SHANK2: variants seen among roughly 807,000 people sequenced by gnomAD.
SHANK2 encodes SH3 and multiple ankyrin repeat domains 2, also known as SH3 and multiple ankyrin repeat domains protein 2.
A neutral mutation model predicts 133.7 loss-of-function variants in SHANK2; 43 were observed. The ratio of observed to expected loss-of-function variants is 0.32; its 90% CI spans 0.25 to 0.41. SHANK2 has a LOEUF of 0.41. SHANK2 is among the 10% of genes least tolerant of loss of function. The pLI is 1.00. For synonymous variants in SHANK2, 1,017 were observed against 952.8 expected, an observed-to-expected ratio of 1.07 and a Z score of -1.24; for missense variants, 1,994 against 2,235.8, an observed-to-expected ratio of 0.89 and a Z score of 2.18.
At chr11:70,886,495 G>A (rs1450573743) in intron 11 of SHANK2, among the ~76,000 whole-genome samples, 4 of 152,200 alleles carry the variant, frequency 2.6e-5, no homozygotes, top group African/African-American at 9.7e-5. Context: ...CAAACACAAA[G>A]GCTATTGTGA....
At chr11:70,937,306 C>T (rs1234155905) in intron 10 of SHANK2, among the ~76,000 whole-genome samples, 1 of 152,194 alleles carries the variant, frequency 6.6e-6, no homozygotes, top group Non-Finnish European at 1.5e-5. Flanking sequence ...TTGAAACTCC[C>T]CAAGTCATGT....
At position 70,664,826 on chromosome 11, in the gene SHANK2, G is replaced by A. The variant is rs557222109; in HGVS notation, c.1854-3148C>T. On this transcript the variant is annotated intron_variant, in intron 15 of 25. Coordinates refer to ENST00000601538, the MANE Select transcript of SHANK2 (RefSeq NM_012309.5). ...GGAGGCACAGGCTTTGGCATCACAC[G>A]GAGCGTGGTTCAAATCCCAGCTTTG... Among the ~76,000 whole-genome samples, 149 of 152,310 alleles carry A rather than the reference G, an allele frequency of 9.8e-4. 1 individual carries two copies. Among genetic ancestry groups the A allele is most frequent in the Non-Finnish European group, 4.0e-4 (27 of 68,014 alleles).
At chr11:71,238,606 G>A (rs569694810) in intron 1 of SHANK2, among the ~76,000 whole-genome samples, 1 of 152,178 alleles carries the variant, frequency 6.6e-6, no homozygotes, top group Admixed American at 6.5e-5. Flanking sequence ...AGAGGCCAGA[G>A]GCCCCTCCTG....
Position 70,684,918 on chromosome 11 carries a change from T to C in SHANK2, c.1853+13770A>G, listed in dbSNP as rs188410777. The stretch of plus-strand genomic sequence containing the variant: ...ATCCCTCTTGGCTCAAATGCAAAGG[T>C]GAGGATAATTTGGGAAAAGAGGCAG... On this transcript the variant is annotated intron_variant, in intron 15 of 25. Transcript: ENST00000601538. Among the ~76,000 whole-genome samples the C allele has an allele frequency of 2.0e-4, 30 of 151,880 alleles. No individual in the cohort carries two copies. In the South Asian group the frequency reaches 2.9e-3, roughly 15 times the overall value.
chr11:71,241,117 C>T (rs1307696415), intron 1 of SHANK2, among the ~76,000 whole-genome samples: 3 of 152,248 alleles, frequency 2.0e-5, no homozygotes, highest in African/African-American at 2.4e-5. Flanking sequence ...GCTCTGTGCA[C>T]GGTGAAAGCC....
At chr11:70,883,086 A>G (rs1949682241) in intron 11 of SHANK2, among the ~76,000 whole-genome samples, 1 of 152,116 alleles carries the variant, frequency 6.6e-6, no homozygotes, top group African/African-American at 2.4e-5. Flanking sequence ...CCCCAGCTGC[A>G]TCCCCACCCT....
At chr11:70,923,764 G>T (rs1950386307) in intron 10 of SHANK2, among the ~76,000 whole-genome samples, 2 of 152,020 alleles carry the variant, frequency 1.3e-5, no homozygotes, top group South Asian at 4.2e-4. Flanking sequence ...TGTTGCCCTG[G>T]CTGCTCTTGA....
At chr11:71,202,046 G>A (rs1004849846) in intron 2 of SHANK2, among the ~76,000 whole-genome samples, 4 of 152,222 alleles carry the variant, frequency 2.6e-5, no homozygotes, top group Non-Finnish European at 4.4e-5. Flanking sequence ...GCTGTGTGGA[G>A]GAGGGGTGTG....
At chr11:70,822,475 T>C (rs558056139) in intron 11 of SHANK2, among the ~76,000 whole-genome samples, 3 of 145,474 alleles carry the variant, frequency 2.1e-5, no homozygotes, top group Admixed American at 6.8e-5. Flanking sequence ...GGGACAAAGA[T>C]GGCACTGGCA....
intron 11 of SHANK2, among the ~76,000 whole-genome samples, chr11:70,871,568 A>G (rs943507944): frequency 6.6e-5 from 10 of 152,232 alleles, no homozygotes; most frequent in Admixed American, 2.0e-4. Flanking sequence ...GGATTCCCCA[A>G]CACATTTGCT....
In SHANK2 at chr11:70,487,452, C is replaced by A. The variant is rs782704049; in HGVS notation, c.2841G>T (p.Glu947Asp). The A allele has an allele frequency of 6.2e-7, 1 of 1,614,134 alleles. No homozygotes were observed. Among genetic ancestry groups the A allele is most frequent in the Non-Finnish European group, 8.5e-7 (1 of 1,180,042 alleles). Residue 947 changes from glutamate (E) to aspartate (D), a missense_variant, in exon 25 of 26, where the codon GAG (glutamate) becomes GAT (aspartate). Physicochemically the swap from Glu to Asp is conservative, Grantham distance 45 (BLOSUM62 2). Around this residue, in one of 5 missense-constraint regions of SHANK2, gnomAD observed 488 missense variants for 642.6 expected, o/e 0.76. Transcript: ENST00000601538. This position sits in a 1 kb window ranked among gnomAD's most constrained non-coding sequence, Gnocchi z 5.8. ...RSDTVATMMR[E>D]KGMYFRRELD... is the part of the protein sequence containing the mutation. Reference sequence around the variant, plus strand: ...GCTCTCTCCTGAAGTACATCCCCTTCTCCCTCATCATGGTGGCCACGGTGT... The same window carrying A: ...GCTCTCTCCTGAAGTACATCCCCTTATCCCTCATCATGGTGGCCACGGTGT...
chr11:70,938,638 CT>C (rs1950602865), intron 10 of SHANK2, among the ~76,000 whole-genome samples: 1 of 152,184 alleles, frequency 6.6e-6, no homozygotes, highest in Non-Finnish European at 1.5e-5. Flanking sequence ...GGAAACGCGG[CT>C]TCTAGTCGAG....
At chr11:70,677,436 A>G (rs2282489) in intron 15 of SHANK2, among the ~76,000 whole-genome samples, 88,477 of 151,974 alleles carry the variant, frequency 0.58, 26,123 homozygotes, top group Non-Finnish European at 0.63. Flanking sequence ...TCTGAAAATT[A>G]GCCTCGCTCG....
At chr11:70,740,606 G>C (rs1462234235) in intron 14 of SHANK2, among the ~76,000 whole-genome samples, 1 of 152,122 alleles carries the variant, frequency 6.6e-6, no homozygotes, top group Non-Finnish European at 1.5e-5. Context: ...CCCCCTGCCC[G>C]GTTGGATAGG....
chr11:70,952,349 A>C (rs1386249159), intron 10 of SHANK2, among the ~76,000 whole-genome samples: 1 of 152,260 alleles, frequency 6.6e-6, no homozygotes, highest in East Asian at 1.9e-4. Context: ...CATCTTGTTC[A>C]TAGAAATGGT....
chr11:70,733,690 T>G (rs1462880772), intron 14 of SHANK2, among the ~76,000 whole-genome samples: 1 of 152,186 alleles, frequency 6.6e-6, no homozygotes, highest in African/African-American at 2.4e-5. Context: ...ACCCCTGGCC[T>G]AGGTCATGGA....
chr11:70,487,365 G>A lies in SHANK2; in HGVS notation c.2928C>T (p.Asn976=). The A allele has an allele frequency of 6.2e-7, 1 of 1,614,170 alleles. No individual in the cohort carries two copies. Among genetic ancestry groups the A allele is most frequent in the Non-Finnish European group, 8.5e-7 (1 of 1,180,038 alleles). The change falls in exon 25 of 26, where the codon AAC becomes AAT. Residue 976 remains asparagine (N), a synonymous_variant. Coordinates refer to ENST00000601538, the MANE Select transcript of SHANK2 (RefSeq NM_012309.5). The surrounding 1 kb of genome is among the most constrained non-coding windows in gnomAD (Gnocchi z 5.8). ...GCATCTGGCCTCTCTTGTTGCGGAA[G>A]TTGGCTTGCGGGCCGGCATTCCGAC... ...LYSRNAGPQA[N]FRNKRGQMPE...
chr11:70,519,382 G>A (rs2059302752), intron 17 of SHANK2, among the ~76,000 whole-genome samples: 1 of 152,200 alleles, frequency 6.6e-6, no homozygotes, highest in African/African-American at 2.4e-5. Flanking sequence ...GGCGGGGCAT[G>A]GTGGCTCACG....
intron 11 of SHANK2, among the ~76,000 whole-genome samples, chr11:70,822,944 A>G (rs9735729): frequency 0.03 from 179 of 6,014 alleles, 1 homozygote; most frequent in Middle Eastern, 0.062. Flanking sequence ...CAGAGGTGGC[A>G]CTGGCAGAGG....
Sources: allele counts gnomAD v4.1 joint callset (sites outside exome capture counted in the v4.1 genomes callset), GRCh38; gene constraint gnomAD v4.1.1; regional missense constraint gnomAD v4.1.1; non-coding constraint Gnocchi (gnomAD v3.1); transcripts MANE v1.5; gene names NCBI Gene and HGNC (gene_info 2026-07-23, HGNC 2026-07-21).